The following AKR1A1 variants were observed in gnomAD, a reference collection of about 807,000 sequenced individuals.
AKR1A1 encodes the protein HEL-S-165mP.
AKR1A1 carries 26 observed loss-of-function variants against 39.2 expected under a neutral mutation model. The ratio of observed to expected loss-of-function variants is 0.66; its 90% CI spans 0.49 to 0.92. The LOEUF (loss-of-function observed/expected upper bound fraction) is 0.92. Ranked by LOEUF, AKR1A1 falls within the 40% of genes least tolerant of loss-of-function variation. AKR1A1 has a pLI of 0.00. For missense variants in AKR1A1, 378 were observed against 406.5 expected (o/e 0.93, Z 0.60); for synonymous variants, 141 against 155.5 (o/e 0.91, Z 0.69).
Position 45,568,005 on chromosome 1 carries a change from A to G in AKR1A1, c.380A>G (p.Lys127Arg), listed in dbSNP as rs1644366969. 6.2e-7 allele frequency: 1 copy of G among 1,613,322 alleles called. No individual in the cohort carries two copies. Among genetic ancestry groups the G allele is most frequent in the African/African-American group, 1.3e-5 (1 of 74,976 alleles). ...AFERGDNPFPKNADGTICYDS... is the reference protein window; with the variant it reads ...AFERGDNPFPRNADGTICYDS... ...AGGCGGGGAGACAACCCCTTCCCCA[A>G]GAATGCTGATGGGACTATATGCTAC... Residue 127 changes from lysine to arginine, a missense_variant, in exon 5 of 9, where the codon AAG (lysine) becomes AGG (arginine). Lys to Arg is a conservative substitution (Grantham distance 26, BLOSUM62 2). Coordinates refer to ENST00000351829, the MANE Select transcript of AKR1A1 (RefSeq NM_153326.3).
At position 45,569,900 on chromosome 1, in the gene AKR1A1, AAG is replaced by A; in HGVS notation, c.927_928del (p.Arg309SerfsTer13). On this transcript the variant is annotated frameshift_variant, in exon 9 of 9. Coordinates refer to ENST00000351829, the MANE Select transcript of AKR1A1 (RefSeq NM_153326.3). LOFTEE classifies it high-confidence loss of function. ...CTGTCTCTCTTTCCAGGTGGATGGGAAGAGAGTCCCAAGGGATGCAGGGCATC... is the reference window on the plus strand; with the variant it reads ...CTGTCTCTCTTTCCAGGTGGATGGGAAGAGTCCCAAGGGATGCAGGGCATC... Reference protein sequence around the residue: ...YIVPMLTVDGKRVPRDAGHPL... With the variant: ...YIVPMLTVDGXRVPRDAGHPL... 6.2e-7 allele frequency: 1 copy of A among 1,614,030 alleles called. No individual in the cohort carries two copies. The highest frequency in any genetic ancestry group is 8.5e-7 in the Non-Finnish European group (1 of 1,179,912).
intron 2 of AKR1A1, among the ~76,000 whole-genome samples, chr1:45,566,145 G>A (rs1407552826): frequency 1.3e-5 from 2 of 150,804 alleles, no homozygotes; most frequent in Non-Finnish European, 3.0e-5. Flanking sequence ...TTTCGCTCTT[G>A]TTGCCGAGGC....
intron 1 of AKR1A1, among the ~76,000 whole-genome samples, chr1:45,553,195 G>T (rs542875717): frequency 6.6e-6 from 1 of 151,572 alleles, no homozygotes; most frequent in Non-Finnish European, 1.5e-5. Context: ...AGGCTGAGGC[G>T]GGCAGATCAC....
chr1:45,569,216 T>A lies in AKR1A1; in HGVS notation c.899T>A (p.Val300Glu). The A allele has an allele frequency of 6.2e-7, 1 of 1,613,866 alleles. No individual in the cohort carries two copies. The highest frequency in any genetic ancestry group is 8.5e-7 in the Non-Finnish European group (1 of 1,179,752). ...NALNKNWRYI[V>E]PMLTVDGKRV... ...CTGAACAAAAATTGGAGATATATTG[T>A]GCCTATGCTTACGGTGAGGATGTAT... The change falls in exon 8 of 9, where the codon GTG becomes GAG. Residue 300 changes from valine (V) to glutamate (E), a missense_variant. Coordinates refer to ENST00000351829, the MANE Select transcript of AKR1A1 (RefSeq NM_153326.3).
At chr1:45,552,000 T>C (rs1644137023) in intron 1 of AKR1A1, among the ~76,000 whole-genome samples, 1 of 151,550 alleles carries the variant, frequency 6.6e-6, no homozygotes, top group Non-Finnish European at 1.5e-5. Flanking sequence ...TATGTATGTA[T>C]GTATGTATGT....
At chr1:45,553,994 CA>C (rs879812537) in intron 1 of AKR1A1, among the ~76,000 whole-genome samples, 61 of 136,600 alleles carry the variant, frequency 4.5e-4, no homozygotes, top group South Asian at 4.6e-4. Context: ...GACTCCGTCT[CA>C]AAAAAAAAAA....
Position 45,568,913 on chromosome 1 carries a change from A to G in AKR1A1, c.753-14A>G, listed in dbSNP as rs763932142. The G allele has an allele frequency of 3.7e-6, 6 of 1,613,994 alleles. No individual in the cohort carries two copies. Among genetic ancestry groups the G allele is most frequent in the Non-Finnish European group, 5.1e-6 (6 of 1,179,862 alleles). On this transcript the variant is annotated splice_polypyrimidine_tract_variant and intron_variant, in intron 6 of 8. Coordinates refer to ENST00000351829, the MANE Select transcript of AKR1A1 (RefSeq NM_153326.3). ...CTGACCCCTTTTCCTCATCTGTCTA[A>G]TCCCCCAACTTAGGTGGCAGGTCCA...
intron 1 of AKR1A1, among the ~76,000 whole-genome samples, chr1:45,559,634 CTTTTTTTTTTTTTT>C (rs71056306): frequency 1.4e-5 from 1 of 73,128 alleles, no homozygotes; most frequent in Non-Finnish European, 2.4e-5. Flanking sequence ...CTTTTCTTTT[CTTTTTTTTTTTTTT>C]TTTTTTTTTT....
chr1:45,563,881 C>T (rs1644308031), intron 2 of AKR1A1, among the ~76,000 whole-genome samples: 3 of 152,178 alleles, frequency 2.0e-5, no homozygotes, highest in Admixed American at 6.5e-5. Context: ...AATTGACTGA[C>T]CCCTGGTGTA....
At chr1:45,563,652 G>C (rs1301858357) in intron 2 of AKR1A1, among the ~76,000 whole-genome samples, 1 of 152,086 alleles carries the variant, frequency 6.6e-6, no homozygotes, top group African/African-American at 2.4e-5. Flanking sequence ...AGCCAGGCGT[G>C]GTGGTGCATG....
intron 1 of AKR1A1, among the ~76,000 whole-genome samples, chr1:45,560,293 A>C (rs1644261087): frequency 6.6e-6 from 1 of 151,834 alleles, no homozygotes; most frequent in Non-Finnish European, 1.5e-5. Flanking sequence ...GTCTAACTTC[A>C]CTTCTTTGAG....
intron 1 of AKR1A1, among the ~76,000 whole-genome samples, chr1:45,554,022 C>T (rs1265859952): frequency 4.0e-5 from 6 of 151,110 alleles, no homozygotes; most frequent in South Asian, 2.1e-4. Context: ...TAGGAGAAAG[C>T]CAGGTGTGGT....
chr1:45,553,559 ATCTTAGG>A (rs1644161848), intron 1 of AKR1A1, among the ~76,000 whole-genome samples: 1 of 152,220 alleles, frequency 6.6e-6, no homozygotes, highest in African/African-American at 2.4e-5. Context: ...CATTATTGCA[ATCTTAGG>A]TCTTAGGTTA....
rs192552474 is a variant in AKR1A1, at chr1:45,553,971, G to A, written c.-7+2816G>A. Among the ~76,000 whole-genome samples the A allele has an allele frequency of 3.0e-3, 453 of 150,636 alleles. 5 individuals are homozygous for A. Among genetic ancestry groups the A allele is most frequent in the East Asian group, 0.021 (107 of 5,048 alleles). ...GATCACGCCACTGCCCTCCAGCCTG[G>A]GTGACAGAGCGAGACTCCGTCTCAA... On this transcript the variant is annotated intron_variant, in intron 1 of 8. Coordinates refer to ENST00000351829, the MANE Select transcript of AKR1A1 (RefSeq NM_153326.3).
intron 2 of AKR1A1, among the ~76,000 whole-genome samples, chr1:45,565,480 G>A (rs1430310691): frequency 6.7e-6 from 1 of 150,034 alleles, no homozygotes; most frequent in African/African-American, 2.5e-5. Flanking sequence ...TATTTTTTTT[G>A]TGTTTTTTTG....
chr1:45,566,966 A>C lies in AKR1A1; in HGVS notation c.302A>C (p.Asp101Ala). Reference sequence around the variant, plus strand: ...CCTGCCCTCCGGAAGACTCTGGCTGACCTCCAGCTGGAGTATCTGGACCTG... The same window carrying C: ...CCTGCCCTCCGGAAGACTCTGGCTGCCCTCCAGCTGGAGTATCTGGACCTG... ...VEPALRKTLA[D>A]LQLEYLDLYL... The change falls in exon 4 of 9, where the codon GAC becomes GCC. Residue 101 changes from aspartate to alanine, a missense_variant. By Grantham distance (126) the Asp-to-Ala change is moderately radical. Transcript: ENST00000351829. 6.2e-7 allele frequency: 1 copy of C among 1,614,152 alleles called. No homozygotes were observed.
At chr1:45,565,950 A>G (rs1404369527) in intron 2 of AKR1A1, among the ~76,000 whole-genome samples, 9 of 151,926 alleles carry the variant, frequency 5.9e-5, no homozygotes. Context: ...TTTATGGTAG[A>G]TGCCGGGAAA....
At chr1:45,567,301 T>C in intron 4 of AKR1A1, 1 of 403,136 alleles carries the variant, frequency 2.5e-6, no homozygotes, top group Non-Finnish European at 4.5e-6. Flanking sequence ...AGGTGCTGAC[T>C]TTTCTGTTGA....
intron 1 of AKR1A1, among the ~76,000 whole-genome samples, chr1:45,558,081 G>T (rs990881139): frequency 5.3e-5 from 8 of 151,190 alleles, no homozygotes; most frequent in Non-Finnish European, 8.8e-5. Flanking sequence ...GCTAATTTTT[G>T]TATTTTTAGT....
Sources: gnomAD v4.1 joint callset for allele counts (sites outside exome capture counted in the v4.1 genomes callset) on GRCh38, gnomAD v4.1.1 for gene constraint, MANE v1.5 for transcripts, NCBI Gene and HGNC (gene_info 2026-07-23, HGNC 2026-07-21) for gene names.